HERC1: variants seen among roughly 807,000 people sequenced by gnomAD.
The protein encoded by HERC1 is HECT and RLD domain containing E3 ubiquitin protein ligase family member 1.
A neutral mutation model predicts 554.3 loss-of-function variants in HERC1; 160 were observed. That is an observed-to-expected ratio of 0.29 (90% CI 0.25 to 0.33). The LOEUF is 0.33. Among genes scored for constraint, HERC1 ranks in the 10% least tolerant of loss-of-function variants. The pLI, the probability that HERC1 is intolerant of heterozygous loss-of-function variation, is 1.00. For missense variants in HERC1, 4,919 were observed against 5,918.5 expected, an observed-to-expected ratio of 0.83 and a Z score of 5.54; for synonymous variants, 2,175 against 2,131.7, an observed-to-expected ratio of 1.02 and a Z score of -0.56.
chr15:63,754,125 G>A (rs2075342688), intron 7 of HERC1, among the ~76,000 whole-genome samples: 1 of 151,362 alleles, frequency 6.6e-6, no homozygotes, highest in Admixed American at 6.6e-5. Flanking sequence ...AGTGAGCCAG[G>A]TTTGCATCAC....
At chr15:63,662,285 C>T (rs1393826406) in intron 44 of HERC1, among the ~76,000 whole-genome samples, 2 of 151,902 alleles carry the variant, frequency 1.3e-5, no homozygotes, top group East Asian at 1.9e-4. Context: ...ATGAACATGA[C>T]AATCTGTCCT....
intron 71 of HERC1, among the ~76,000 whole-genome samples, chr15:63,624,809 T>C (rs867685678): frequency 6.6e-6 from 1 of 152,224 alleles, no homozygotes; most frequent in Non-Finnish European, 1.5e-5. Flanking sequence ...TCTGATAAAA[T>C]ATATAATTAC....
intron 8 of HERC1, among the ~76,000 whole-genome samples, chr15:63,751,145 C>T (rs964147176): frequency 6.6e-6 from 1 of 152,136 alleles, no homozygotes; most frequent in African/African-American, 2.4e-5. Flanking sequence ...ATGCACCATT[C>T]GGTCAATAGC....
At chr15:63,815,627 T>C (rs563644724) in intron 1 of HERC1, among the ~76,000 whole-genome samples, 2 of 152,340 alleles carry the variant, frequency 1.3e-5, no homozygotes, top group Admixed American at 6.5e-5. Context: ...AAATGTCTTA[T>C]TTACCTATCA....
intron 33 of HERC1, among the ~76,000 whole-genome samples, chr15:63,687,650 G>T (rs2071852200): frequency 1.3e-5 from 2 of 151,972 alleles, no homozygotes; most frequent in Non-Finnish European, 2.9e-5. Flanking sequence ...TATTTAGCAG[G>T]GTATTAGGTC....
chr15:63,669,059 T>C (rs2070776186), intron 40 of HERC1, among the ~76,000 whole-genome samples: 1 of 152,230 alleles, frequency 6.6e-6, no homozygotes, highest in African/African-American at 2.4e-5. Context: ...ATTCAAATTA[T>C]ACAAGATATG....
At chr15:63,743,759 G>T (rs904724913) in intron 12 of HERC1, among the ~76,000 whole-genome samples, 1 of 152,156 alleles carries the variant, frequency 6.6e-6, no homozygotes, top group Non-Finnish European at 1.5e-5. Flanking sequence ...CCTCAACAAA[G>T]CTATTTTGAA....
intron 1 of HERC1, among the ~76,000 whole-genome samples, chr15:63,786,889 C>T (rs963302185): frequency 4.7e-5 from 7 of 150,406 alleles, no homozygotes; most frequent in Non-Finnish European, 8.9e-5. Context: ...GTTAATTGTA[C>T]GTGATGTGAA....
At position 63,758,299 on chromosome 15, in the gene HERC1, G is replaced by A; in HGVS notation, c.1097C>T (p.Pro366Leu). Residue 366 changes from proline (P) to leucine (L), a missense_variant, in exon 4 of 78, where the codon CCC becomes CTC. Pro to Leu is a moderately conservative substitution (Grantham distance 98, BLOSUM62 -3). Coordinates refer to ENST00000443617, the MANE Select transcript of HERC1 (RefSeq NM_003922.4). This position sits in a 1 kb window ranked among gnomAD's most constrained non-coding sequence, Gnocchi z 4.0. ...SPDSIQTGDA[P>L]IVSETCEVYV... ...AACCTCACAGGTTTCGGAGACAATG[G>A]GAGCATCACCAGTCTGAATGCTATC... 6.2e-7 allele frequency: 1 copy of A among 1,613,566 alleles called. No individual in the cohort carries two copies. The highest frequency in any genetic ancestry group is 2.2e-5 in the East Asian group (1 of 44,872).
At chr15:63,671,203 C>A (rs1230997676) in intron 39 of HERC1, among the ~76,000 whole-genome samples, 78 of 123,430 alleles carry the variant, frequency 6.3e-4, no homozygotes, top group East Asian at 1.1e-3. Context: ...AACTTTGTCT[C>A]AAAAAAAAAA....
At chr15:63,627,666 T>A (rs1276177350) in intron 70 of HERC1, among the ~76,000 whole-genome samples, 5 of 146,206 alleles carry the variant, frequency 3.4e-5, no homozygotes, top group Non-Finnish European at 3.0e-5. Flanking sequence ...AAAGTGAGAC[T>A]CTGTCTCGAA....
At chr15:63,743,762 A>AT (rs1279263553) in intron 12 of HERC1, among the ~76,000 whole-genome samples, 1 of 152,192 alleles carries the variant, frequency 6.6e-6, no homozygotes, top group Non-Finnish European at 1.5e-5. Flanking sequence ...CAACAAAGCT[A>AT]TTTTGAATTC....
At chr15:63,618,790 GCTCT>G (rs1027495625) in intron 74 of HERC1, among the ~76,000 whole-genome samples, 3 of 151,966 alleles carry the variant, frequency 2.0e-5, no homozygotes, top group African/African-American at 4.8e-5. Flanking sequence ...TCATGATTTG[GCTCT>G]CTGTCTGTTA....
At chr15:63,656,033 A>C (rs993301807) in intron 49 of HERC1, 55 bp downstream of exon 49, 10 of 1,599,640 alleles carry the variant, frequency 6.3e-6, no homozygotes, top group Non-Finnish European at 8.5e-6. Context: ...CAAAAGGCTC[A>C]AGAATCAGTC....
intron 50 of HERC1, among the ~76,000 whole-genome samples, 176 bp downstream of exon 50, chr15:63,655,566 T>C (rs935295191): frequency 1.3e-5 from 2 of 152,208 alleles, no homozygotes; most frequent in African/African-American, 2.4e-5. Context: ...ACTAATATGG[T>C]ACATTTTCTA....
At chr15:63,757,762 T>G (rs1302548368) in intron 4 of HERC1, among the ~76,000 whole-genome samples, 1 of 152,228 alleles carries the variant, frequency 6.6e-6, no homozygotes, top group Non-Finnish European at 1.5e-5. Flanking sequence ...CAGGCTGGAA[T>G]GCAGTGGCAT....
In HERC1 at chr15:63,624,258, G is replaced by A. The variant is rs1161965756; in HGVS notation, c.13345C>T (p.Pro4449Ser). The part of the protein sequence containing the change: ...VQGQLRPLLA[P>S]RVYTLPMVRS... ...ACCATTGGCAGAGTGTAGACTCTTG[G>A]GGCTAACAAAGGCCGAAGTTGTCCC... The change falls in exon 72 of 78, where the codon CCA becomes TCA. Residue 4449 changes from proline to serine, a missense_variant. Physicochemically the swap from Pro to Ser is moderately conservative, Grantham distance 74. Transcript: ENST00000443617. The A allele has an allele frequency of 3.1e-6, 5 of 1,613,588 alleles. No homozygotes were observed. The highest frequency in any genetic ancestry group is 1.7e-6 in the Non-Finnish European group (2 of 1,179,686).
chr15:63,770,960 A>G (rs1447251335), intron 2 of HERC1, among the ~76,000 whole-genome samples: 1 of 152,170 alleles, frequency 6.6e-6, no homozygotes, highest in Non-Finnish European at 1.5e-5. Flanking sequence ...AGGCCGAGGC[A>G]GGTAGATCAC....
chr15:63,821,884 GT>G (rs1337070313), intron 1 of HERC1, among the ~76,000 whole-genome samples: 1 of 152,076 alleles, frequency 6.6e-6, no homozygotes, highest in Non-Finnish European at 1.5e-5. Flanking sequence ...CTTTCATGGA[GT>G]TTACATTCTA....
Sources: allele counts gnomAD v4.1 joint callset (sites outside exome capture counted in the v4.1 genomes callset), GRCh38; gene constraint gnomAD v4.1.1; non-coding constraint Gnocchi (gnomAD v3.1); transcripts MANE v1.5; gene names NCBI Gene and HGNC (gene_info 2026-07-23, HGNC 2026-07-21).